The following BICRA variants were observed in gnomAD, a reference collection of about 807,000 sequenced individuals.
BICRA encodes the protein BRD4 interacting chromatin remodeling complex associated protein, also known as BRD4-interacting chromatin-remodeling complex-associated protein.
In BICRA, 31 loss-of-function variants were observed where a neutral mutation model predicts 96.9. The ratio of observed to expected loss-of-function variants is 0.32; its 90% CI spans 0.24 to 0.43. BICRA has a LOEUF of 0.43. Among genes scored for constraint, BICRA ranks in the 20% least tolerant of loss-of-function variants. BICRA has a pLI of 1.00. For synonymous variants in BICRA, 1,350 were observed against 1,071.8 expected, an observed-to-expected ratio of 1.26 and a Z score of -5.07; for missense variants, 2,283 against 2,190.3, an observed-to-expected ratio of 1.04 and a Z score of -0.84.
chr19:47,617,731 T>C (rs111242920), intron 1 of BICRA, among the ~76,000 whole-genome samples: 5 of 152,092 alleles, frequency 3.3e-5, no homozygotes, highest in African/African-American at 1.2e-4. Context: ...CAACCACCCC[T>C]GTGTAACCAT....
intron 2 of BICRA, among the ~76,000 whole-genome samples, chr19:47,671,163 A>C (rs1285043093): frequency 5.9e-5 from 9 of 152,196 alleles, no homozygotes; most frequent in Admixed American, 5.2e-4. Context: ...GATTCAGCAA[A>C]TATGCCCCAG....
chr19:47,698,239 C>T lies in BICRA; in HGVS notation c.3249-395C>T, dbSNP rs561625206. ...GAGAAGACAGGATCCAGCCTCCCTC[C>T]CTTCTTCCCGAAGGCTGCACTTTGG... On this transcript the variant is annotated intron_variant, in intron 11 of 14. Transcript: ENST00000594866. This position sits in a 1 kb window ranked among gnomAD's most constrained non-coding sequence, Gnocchi z 4.8. Among the ~76,000 whole-genome samples, 2 of 152,296 alleles carry T rather than the reference C, an allele frequency of 1.3e-5. No homozygotes were observed. Among genetic ancestry groups the T allele is most frequent in the Middle Eastern group, 3.4e-3 (1 of 294 alleles).
chr19:47,659,501 A>G (rs1042546801), intron 1 of BICRA, among the ~76,000 whole-genome samples: 6 of 152,104 alleles, frequency 3.9e-5, no homozygotes, highest in Non-Finnish European at 7.4e-5. Flanking sequence ...CCGAGAGGGC[A>G]TGACTCTGTG....
At position 47,655,710 on chromosome 19, in the gene BICRA, G is replaced by C. The variant is rs978932325; in HGVS notation, c.-107-14733G>C. ...TCTACTAAAAATACAAAAAAAATGA[G>C]CTGGGCTTGGTGGCGGGCACCTGTA... On this transcript the variant is annotated intron_variant, in intron 1 of 14. Coordinates refer to ENST00000594866, the MANE Select transcript of BICRA (RefSeq NM_001394372.1). 5.3e-5 allele frequency among the ~76,000 whole-genome samples: 8 copies of C among 150,058 alleles called. No homozygotes were observed. In the Admixed American group the frequency reaches 5.3e-4, roughly 10 times the overall value.
At chr19:47,671,174 C>T (rs1296889969) in intron 2 of BICRA, among the ~76,000 whole-genome samples, 1 of 152,218 alleles carries the variant, frequency 6.6e-6, no homozygotes, top group African/African-American at 2.4e-5. Flanking sequence ...TATGCCCCAG[C>T]CCACTGTGGG....
intron 1 of BICRA, among the ~76,000 whole-genome samples, chr19:47,659,843 A>G (rs887903480): frequency 2.0e-5 from 3 of 151,988 alleles, no homozygotes; most frequent in African/African-American, 7.3e-5. Context: ...TTAGCCTCCC[A>G]GGCTCAAGCA....
rs1007840417 is a variant in BICRA, at chr19:47,699,115, C to T, written c.3492+56C>T. ...GGCTCCTCCTCGCTGGGACACTGCC[C>T]CTTTCCCTCACCCGCTCTGGGCAAG... On this transcript the variant is annotated intron_variant, in intron 13 of 14. Coordinates refer to ENST00000594866, the MANE Select transcript of BICRA (RefSeq NM_001394372.1). This position sits in a 1 kb window ranked among gnomAD's most constrained non-coding sequence, Gnocchi z 5.0. The T allele has an allele frequency of 5.6e-5, 70 of 1,241,558 alleles. No individual in the cohort carries two copies. Among genetic ancestry groups the T allele is most frequent in the Non-Finnish European group, 7.4e-5 (64 of 868,912 alleles). 76.9% of individuals were successfully genotyped at this position (1,241,558 alleles called of 1,614,324 possible).
At chr19:47,614,720 G>A (rs1164541618) in intron 1 of BICRA, among the ~76,000 whole-genome samples, 1 of 152,310 alleles carries the variant, frequency 6.6e-6, no homozygotes, top group East Asian at 1.9e-4. Context: ...CTCCCTGGGA[G>A]ACCCTACCAA....
intron 1 of BICRA, among the ~76,000 whole-genome samples, chr19:47,619,099 C>T (rs1348165112): frequency 2.0e-5 from 3 of 152,130 alleles, no homozygotes; most frequent in African/African-American, 7.2e-5. Flanking sequence ...CAAGCTCTTG[C>T]TGTACTGCGG....
chr19:47,638,235 C>T (rs572206607), intron 1 of BICRA, among the ~76,000 whole-genome samples: 2 of 152,216 alleles, frequency 1.3e-5, no homozygotes, highest in Non-Finnish European at 2.9e-5. Flanking sequence ...CTGCTCCCCC[C>T]TCAGGGAGGC....
chr19:47,621,559 C>T (rs1226191289), intron 1 of BICRA, among the ~76,000 whole-genome samples: 3 of 151,128 alleles, frequency 2.0e-5, no homozygotes, highest in East Asian at 3.9e-4. Context: ...CTGCAACCTC[C>T]GCCTCCCAGG....
intron 1 of BICRA, among the ~76,000 whole-genome samples, chr19:47,620,913 C>A (rs1441966903): frequency 6.6e-6 from 1 of 152,104 alleles, no homozygotes; most frequent in Non-Finnish European, 1.5e-5. Context: ...GGCCTGTCAT[C>A]CAGTCAAGGC....
rs942604977 is a variant in BICRA, at chr19:47,679,460, C to T, written c.290C>T (p.Ala97Val). The T allele has an allele frequency of 6.6e-6, 10 of 1,515,922 alleles. No homozygotes were observed. In the African/African-American group the frequency reaches 9.9e-5, roughly 15 times the overall value. The allele number at this position is 1,515,922 out of a possible 1,614,324, so 93.9% of individuals were successfully genotyped here. A position where few individuals can be genotyped will look rare whatever the true frequency, so the allele number is the denominator to read the frequency against. Residue 97 changes from alanine (A) to valine (V), a missense_variant, in exon 6 of 15, where the codon GCT (alanine) becomes GTT (valine). Coordinates refer to ENST00000594866, the MANE Select transcript of BICRA (RefSeq NM_001394372.1). Reference sequence around the variant, plus strand: ...GGCGGCGGCGGGGGCAGTGGGGGCGCTGACCAGCCCTGTGACATCCTCCAG... The same window carrying T: ...GGCGGCGGCGGGGGCAGTGGGGGCGTTGACCAGCCCTGTGACATCCTCCAG... ...TGGGGGGSGG[A>V]DQPCDILQQS...
Position 47,698,586 on chromosome 19 carries a change from T to TACCCCCCCC in BICRA, c.3249-48_3249-47insACCCCCCCC. ...AGGGACTTCCCCTGGCCCTCACCCG[T>TACCCCCCCC]CCCCCCCACCCTCCGCCGTGTGTGG... On this transcript the variant is annotated intron_variant, in intron 11 of 14. Transcript: ENST00000594866. The surrounding 1 kb of genome is among the most constrained non-coding windows in gnomAD (Gnocchi z 4.8). 1.4e-6 allele frequency: 1 copy of TACCCCCCCC among 716,708 alleles called. No individual in the cohort carries two copies. Among genetic ancestry groups the TACCCCCCCC allele is most frequent in the Non-Finnish European group, 2.5e-6 (1 of 392,848 alleles). 44.4% of individuals were successfully genotyped at this position (716,708 alleles called of 1,614,324 possible).
intron 7 of BICRA, among the ~76,000 whole-genome samples, chr19:47,689,783 G>A (rs571388864): frequency 2.0e-5 from 3 of 152,250 alleles, no homozygotes; most frequent in African/African-American, 4.8e-5. Context: ...TATGGTTTAC[G>A]TTTCTCTCCC....
Position 47,698,923 on chromosome 19 carries a change from C to A in BICRA, c.3398-42C>A. 6.8e-7 allele frequency: 1 copy of A among 1,471,528 alleles called. No homozygotes were observed. The highest frequency in any genetic ancestry group is 9.3e-7 in the Non-Finnish European group (1 of 1,071,958). The allele number at this position is 1,471,528 out of a possible 1,614,324, so 91.2% of individuals were successfully genotyped here. A position where few individuals can be genotyped will look rare whatever the true frequency, so the allele number is the denominator to read the frequency against. ...CCTCCTTCCTGCGCATCCGCGGCCGCCCCCAACATCTCCGCCCTTGCCTCT... is the reference window on the plus strand; with the variant it reads ...CCTCCTTCCTGCGCATCCGCGGCCGACCCCAACATCTCCGCCCTTGCCTCT... On this transcript the variant is annotated intron_variant, in intron 12 of 14. Transcript: ENST00000594866. This position sits in a 1 kb window ranked among gnomAD's most constrained non-coding sequence, Gnocchi z 4.8.
intron 1 of BICRA, chr19:47,615,869 A>T (rs532223841): frequency 6.6e-6 from 1 of 152,332 alleles, no homozygotes; most frequent in East Asian, 1.9e-4. Context: ...GTCTGCTGTG[A>T]GGCTGAACGA....
intron 6 of BICRA, among the ~76,000 whole-genome samples, chr19:47,681,739 G>T (rs1161753680): frequency 6.6e-6 from 1 of 152,130 alleles, no homozygotes; most frequent in East Asian, 1.9e-4. Flanking sequence ...AGAGGGACAG[G>T]CAGGTGGGGC....
At chr19:47,685,037 A>T (rs1433770507) in intron 7 of BICRA, among the ~76,000 whole-genome samples, 1 of 151,726 alleles carries the variant, frequency 6.6e-6, no homozygotes. Context: ...CTGGTGCAAT[A>T]TTGACTCCTA....
Sources: gnomAD v4.1 joint callset for allele counts (sites outside exome capture counted in the v4.1 genomes callset) on GRCh38, gnomAD v4.1.1 for gene constraint, Gnocchi (gnomAD v3.1) non-coding constraint, MANE v1.5 for transcripts, NCBI Gene and HGNC (gene_info 2026-07-23, HGNC 2026-07-21) for gene names.